Variants in NOX4 observed in about 807,000 individuals in gnomAD.
NOX4 encodes the protein kidney oxidase-1.
NOX4 carries 69 observed loss-of-function variants against 87.6 expected under a neutral mutation model. The ratio of observed to expected loss-of-function variants is 0.79; its 90% confidence interval spans 0.65 to 0.96. The LOEUF (loss-of-function observed/expected upper bound fraction) is 0.96. NOX4 is among the 40% of genes least tolerant of loss of function. The pLI is 0.00. For missense variants in NOX4, 680 were observed against 681.5 expected, an observed-to-expected ratio of 1.00 and a Z score of 0.02; for synonymous variants, 275 against 238.2, an observed-to-expected ratio of 1.15 and a Z score of -1.42.
intron 12 of NOX4, among the ~76,000 whole-genome samples, chr11:89,364,821 T>C (rs1421253746): frequency 6.6e-6 from 1 of 152,124 alleles, no homozygotes; most frequent in Non-Finnish European, 1.5e-5. Flanking sequence ...ACAGCAATAA[T>C]GAACTGAGAA....
Position 89,449,507 on chromosome 11 carries a change from G to A in NOX4, c.282C>T (p.Thr94=), listed in dbSNP as rs757570641. 30 of 1,611,114 alleles carry A rather than the reference G, an allele frequency of 1.9e-5. No individual in the cohort carries two copies. The highest frequency in any genetic ancestry group is 2.5e-5 in the Non-Finnish European group (29 of 1,178,342). ...RGSQKVPSRR[T]RRLLDKSRTF... is the part of the protein sequence containing the mutation. ...TTCTGCTTTTATCCAACAATCTCCT[G>A]GTTCTCCTGCTTGGAACCTAAACAA... is the stretch of plus-strand genomic sequence containing the variant. Residue 94 remains threonine (T), a synonymous_variant, in exon 4 of 18, where the codon ACC becomes ACT. Coordinates refer to ENST00000263317, the MANE Select transcript of NOX4 (RefSeq NM_016931.5).
At chr11:89,575,430 T>G in the NOX4 span, among the ~76,000 whole-genome samples, 1 of 152,126 alleles carries the variant, frequency 6.6e-6, no homozygotes, top group South Asian at 2.1e-4. Flanking sequence ...AAAATCAAAA[T>G]GGGAAAGCAC....
the NOX4 span, among the ~76,000 whole-genome samples, chr11:89,565,190 G>T: frequency 1.3e-5 from 2 of 152,068 alleles, no homozygotes; most frequent in East Asian, 1.9e-4. Flanking sequence ...ATGTATAAAA[G>T]ATTTCTCAAT....
At chr11:89,583,878 T>A in the NOX4 span, among the ~76,000 whole-genome samples, 3 of 152,128 alleles carry the variant, frequency 2.0e-5, no homozygotes, top group Non-Finnish European at 2.9e-5. Flanking sequence ...CAATAAATAT[T>A]TTTTAAAAGG....
chr11:89,534,543 GTCCCATATCACA>G, the NOX4 span, among the ~76,000 whole-genome samples: 371 of 152,220 alleles, frequency 2.4e-3, 3 homozygotes, highest in Admixed American at 0.016. Context: ...ATCGTGTTTT[GTCCCATATCACA>G]TCCCACTGGG....
chr11:89,483,482 T>C (rs918468662), intron 2 of NOX4, among the ~76,000 whole-genome samples: 2 of 151,322 alleles, frequency 1.3e-5, no homozygotes, highest in African/African-American at 4.9e-5. Flanking sequence ...TCAAGTTAAG[T>C]AAAATAAGCC....
chr11:89,430,288 T>G (rs1214936418), intron 7 of NOX4, among the ~76,000 whole-genome samples: 3 of 152,154 alleles, frequency 2.0e-5, no homozygotes, highest in Non-Finnish European at 4.4e-5. Flanking sequence ...CTTTGAAAAC[T>G]GGCACAAGAC....
intron 17 of NOX4, among the ~76,000 whole-genome samples, chr11:89,333,588 T>C (rs568880239): frequency 9.2e-5 from 14 of 151,930 alleles, no homozygotes; most frequent in African/African-American, 3.1e-4. Context: ...AATCACTTTC[T>C]GAAAGATAAA....
chr11:89,504,912 G>A, the NOX4 span, among the ~76,000 whole-genome samples: 1 of 151,904 alleles, frequency 6.6e-6, no homozygotes, highest in Non-Finnish European at 1.5e-5. Context: ...GATCCCCAAA[G>A]CAATACAGAA....
chr11:89,569,983 C>A, the NOX4 span, among the ~76,000 whole-genome samples: 9 of 138,338 alleles, frequency 6.5e-5, no homozygotes, highest in African/African-American at 1.9e-4. Flanking sequence ...GCATGGGCGA[C>A]AGAGCGAGAC....
intron 12 of NOX4, among the ~76,000 whole-genome samples, chr11:89,361,717 T>C (rs1372282377): frequency 1.3e-5 from 2 of 152,120 alleles, no homozygotes; most frequent in South Asian, 2.1e-4. Context: ...ACTATTCTGG[T>C]TTATTCCTGC....
chr11:89,482,248 G>T (rs1946422381), intron 2 of NOX4, among the ~76,000 whole-genome samples: 2 of 151,906 alleles, frequency 1.3e-5, no homozygotes, highest in African/African-American at 4.8e-5. Context: ...GCTCAGCTGG[G>T]CTTCTACAAT....
At chr11:89,458,457 C>G (rs1945304333) in intron 2 of NOX4, among the ~76,000 whole-genome samples, 1 of 152,010 alleles carries the variant, frequency 6.6e-6, no homozygotes, top group Non-Finnish European at 1.5e-5. Flanking sequence ...CAAAAATGGA[C>G]AAATAAGATC....
intron 2 of NOX4, chr11:89,488,825 C>G (rs1303901679): frequency 7.7e-6 from 4 of 518,040 alleles, no homozygotes; most frequent in Non-Finnish European, 1.4e-5. Flanking sequence ...AAAACAAAAC[C>G]AAAAAGTTAT....
At chr11:89,429,243 C>T (rs1024669530) in intron 7 of NOX4, among the ~76,000 whole-genome samples, 1 of 151,948 alleles carries the variant, frequency 6.6e-6, no homozygotes, top group African/African-American at 2.4e-5. Flanking sequence ...ACTAAATGTC[C>T]ACAAGAGAAA....
intron 6 of NOX4, among the ~76,000 whole-genome samples, chr11:89,437,809 T>C (rs562949227): frequency 1.3e-5 from 2 of 152,188 alleles, no homozygotes; most frequent in African/African-American, 4.8e-5. Context: ...TGCGATTGGT[T>C]CCAGGACCCC....
rs190837203 is a variant in NOX4 at position 89,337,121 on chromosome 11, T to A, written c.1515+326A>T. On this transcript the variant is annotated intron_variant, in intron 16 of 17. Coordinates refer to ENST00000263317, the MANE Select transcript of NOX4 (RefSeq NM_016931.5). ...GAAATAAGCTTAACTGTATACGAAC[T>A]CATCTTCTCTCTCCACATAAAACAT... is the stretch of plus-strand genomic sequence containing the variant. Among the ~76,000 whole-genome samples the A allele has an allele frequency of 1.4e-4, 22 of 152,144 alleles. 1 individual carries two copies. Among genetic ancestry groups the A allele is most frequent in the Admixed American group, 9.8e-4 (15 of 15,238 alleles).
upstream of NOX4, among the ~76,000 whole-genome samples, chr11:89,502,623 G>T (rs1947034543): frequency 6.6e-6 from 1 of 151,848 alleles, no homozygotes; most frequent in South Asian, 2.1e-4. Flanking sequence ...ATCATTTTTG[G>T]AATTTTCGTG....
At chr11:89,466,128 A>T (rs1945682569) in intron 2 of NOX4, among the ~76,000 whole-genome samples, 1 of 152,198 alleles carries the variant, frequency 6.6e-6, no homozygotes, top group African/African-American at 2.4e-5. Flanking sequence ...GTAGTCTTGC[A>T]CTTCCCAAGC....
Sources: gnomAD v4.1 joint callset for allele counts (sites outside exome capture counted in the v4.1 genomes callset) on GRCh38, gnomAD v4.1.1 for gene constraint, MANE v1.5 for transcripts, NCBI Gene and HGNC (gene_info 2026-07-23, HGNC 2026-07-21) for gene names.